The following C16orf46 variants were observed in gnomAD, a reference collection of about 807,000 sequenced individuals.
C16orf46 encodes the protein chromosome 16 open reading frame 46, also known as uncharacterized protein C16orf46.
C16orf46 carries 7 observed loss-of-function variants against 5.5 expected under a neutral mutation model. The observed-to-expected ratio is 1.28, with a 90% CI of 0.73 to 2.40. The LOEUF (loss-of-function observed/expected upper bound fraction) is 2.40. C16orf46 is among the 30% of genes most tolerant of loss of function. The pLI, the probability that C16orf46 is intolerant of heterozygous loss-of-function variation, is 0.00. For synonymous variants in C16orf46, 200 were observed against 184.1 expected (o/e 1.09, Z -0.70); for missense variants, 614 against 476.0 (o/e 1.29, Z -2.70).
intron 3 of C16orf46, among the ~76,000 whole-genome samples, chr16:81,063,397 T>A (rs1242261801): frequency 6.6e-6 from 1 of 152,152 alleles, no homozygotes; most frequent in African/African-American, 2.4e-5. Flanking sequence ...CTTGGCCACT[T>A]ATTGGCTGGG....
intron 1 of C16orf46, among the ~76,000 whole-genome samples, chr16:81,067,584 G>A (rs1165498984): frequency 6.6e-6 from 1 of 152,072 alleles, no homozygotes; most frequent in Non-Finnish European, 1.5e-5. Context: ...TGAGACACTC[G>A]CTCTGTTGCC....
At position 81,061,956 on chromosome 16, in the gene C16orf46, G is replaced by C; in HGVS notation, c.393C>G (p.Ser131=). 6.2e-7 allele frequency: 1 copy of C among 1,614,190 alleles called. No individual in the cohort carries two copies. Among genetic ancestry groups the C allele is most frequent in the Non-Finnish European group, 8.5e-7 (1 of 1,180,036 alleles). ...GGCCCTGGGGGGCTGCCTGAGTCTG[G>C]GAGGGGCTGCTCTGATCCTTCTCTG... The part of the protein sequence containing the change: ...GGPEKDQSSP[S]QTQAAPQGPS... Residue 131 remains serine (S), a synonymous_variant, in exon 4 of 4, where the codon TCC becomes TCG. Transcript: ENST00000299578.
chr16:81,068,384 T>C (rs1417984948), intron 1 of C16orf46, among the ~76,000 whole-genome samples: 1 of 152,100 alleles, frequency 6.6e-6, no homozygotes. Context: ...CTGAGAACAA[T>C]GAACGTATCT....
At position 81,061,499 on chromosome 16, in the gene C16orf46, G is replaced by T. The variant is rs1378311053; in HGVS notation, c.850C>A (p.Pro284Thr). 1 of 1,613,982 alleles carries T rather than the reference G, an allele frequency of 6.2e-7. No individual in the cohort carries two copies. Among genetic ancestry groups the T allele is most frequent in the African/African-American group, 1.3e-5 (1 of 74,914 alleles). Residue 284 changes from proline (P) to threonine (T), a missense_variant, in exon 4 of 4, where the codon CCA becomes ACA. Transcript: ENST00000299578. The part of the protein sequence containing the change: ...MVNDTPSSPS[P>T]AAQISLLTDP... ...GTCAGCAGGGATATCTGGGCCGCTG[G>T]GGAAGGGGAGGATGGCGTGTCGTTG...
At chr16:81,070,673 TG>T (rs1345467716) in intron 1 of C16orf46, among the ~76,000 whole-genome samples, 2 of 152,216 alleles carry the variant, frequency 1.3e-5, no homozygotes, top group Non-Finnish European at 2.9e-5. Context: ...GGGGGTTTCC[TG>T]TTTTTTATTT....
chr16:81,057,597 G>A (rs1216873671), downstream of C16orf46, among the ~76,000 whole-genome samples: 6 of 147,286 alleles, frequency 4.1e-5, no homozygotes, highest in Non-Finnish European at 8.9e-5. Flanking sequence ...ACAGTCTTAG[G>A]TTAAAAAAAA....
chr16:81,071,103 G>C (rs1341489781), intron 1 of C16orf46, among the ~76,000 whole-genome samples: 1 of 152,140 alleles, frequency 6.6e-6, no homozygotes, highest in East Asian at 1.9e-4. Context: ...TCAGACAGCG[G>C]CGATATGGTG....
intron 1 of C16orf46, among the ~76,000 whole-genome samples, chr16:81,075,268 T>A (rs76512465): frequency 0.061 from 9,150 of 150,932 alleles, 301 homozygotes; most frequent in Middle Eastern, 0.15. Flanking sequence ...CTTTTTTTTT[T>A]AACACCTATT....
At chr16:81,072,127 C>T (rs764971059) in intron 1 of C16orf46, 1 of 152,010 alleles carries the variant, frequency 6.6e-6, no homozygotes, top group Non-Finnish European at 1.5e-5. Flanking sequence ...GAGAAATGTC[C>T]CCATAAACCC....
Sources: gnomAD v4.1 joint callset for allele counts (sites outside exome capture counted in the v4.1 genomes callset) on GRCh38, gnomAD v4.1.1 for gene constraint, MANE v1.5 for transcripts, NCBI Gene and HGNC (gene_info 2026-07-23, HGNC 2026-07-21) for gene names.